The following RGS6 variants were observed in gnomAD, a reference collection of about 807,000 sequenced individuals.
RGS6 encodes the protein regulator of G protein signaling 6, also known as regulator of G-protein signaling 6.
RGS6 carries 30 observed loss-of-function variants against 78.5 expected under a neutral mutation model. The ratio of observed to expected loss-of-function variants is 0.38; its 90% CI spans 0.29 to 0.52. The LOEUF is 0.52. Ranked by LOEUF, RGS6 falls within the 20% of genes least tolerant of loss-of-function variation. RGS6 has a pLI of 0.85. For synonymous variants in RGS6, 206 were observed against 206.0 expected, an observed-to-expected ratio of 1.00 and a Z score of 0.00; for missense variants, 495 against 609.7, an observed-to-expected ratio of 0.81 and a Z score of 1.98.
intron 17 of RGS6, among the ~76,000 whole-genome samples, chr14:72,544,941 G>A (rs1340522561): frequency 6.6e-6 from 1 of 152,188 alleles, no homozygotes; most frequent in Non-Finnish European, 1.5e-5. Flanking sequence ...AGGCAATCAG[G>A]GCAGTCAGCC....
At chr14:72,483,660 T>C (rs917427) in intron 12 of RGS6, among the ~76,000 whole-genome samples, 104,201 of 151,862 alleles carry the variant, frequency 0.69, 36,678 homozygotes, top group East Asian at 0.96. Context: ...TTATGGGATT[T>C]CAGAAACCAT....
intron 2 of RGS6, among the ~76,000 whole-genome samples, chr14:72,168,257 A>G (rs2096956628): frequency 6.6e-6 from 1 of 152,124 alleles, no homozygotes. Context: ...TCGAGGATCC[A>G]CGTAAACACC....
intron 2 of RGS6, among the ~76,000 whole-genome samples, chr14:71,978,776 A>T (rs995193261): frequency 6.6e-6 from 1 of 152,206 alleles, no homozygotes; most frequent in Non-Finnish European, 1.5e-5. Context: ...CGCTGGCCTC[A>T]TAAAATGAGT....
intron 2 of RGS6, among the ~76,000 whole-genome samples, chr14:72,335,893 C>T (rs1252637470): frequency 6.6e-6 from 1 of 152,290 alleles, no homozygotes; most frequent in South Asian, 2.1e-4. Context: ...AATGCTTTCA[C>T]AGGATCTAGG....
chr14:72,330,006 G>T (rs1405349347), intron 2 of RGS6, among the ~76,000 whole-genome samples: 1 of 152,190 alleles, frequency 6.6e-6, no homozygotes, highest in East Asian at 1.9e-4. Context: ...TATAAACTTG[G>T]ATGGCATCAT....
chr14:72,349,774 A>G (rs1356886427), intron 2 of RGS6, among the ~76,000 whole-genome samples: 1 of 152,168 alleles, frequency 6.6e-6, no homozygotes, highest in African/African-American at 2.4e-5. Flanking sequence ...CACAGAACCA[A>G]TCCTTCAAAT....
chr14:72,109,370 A>C (rs1402629701), intron 2 of RGS6, among the ~76,000 whole-genome samples: 1 of 152,118 alleles, frequency 6.6e-6, no homozygotes, highest in African/African-American at 2.4e-5. Flanking sequence ...ACATGTAGGG[A>C]TTCTAGGAGT....
At chr14:72,377,749 A>G (rs781537096) in intron 3 of RGS6, among the ~76,000 whole-genome samples, 1 of 152,196 alleles carries the variant, frequency 6.6e-6, no homozygotes, top group Non-Finnish European at 1.5e-5. Context: ...AAGACAATGC[A>G]GGAGGATTGT....
chr14:71,956,578 G>C (rs2092811089), intron 1 of RGS6, among the ~76,000 whole-genome samples: 1 of 152,042 alleles, frequency 6.6e-6, no homozygotes, highest in Non-Finnish European at 1.5e-5. Context: ...AAAGATGTAG[G>C]CTGGGAGGCT....
At position 72,478,320 on chromosome 14, in the gene RGS6, T is replaced by C; in HGVS notation, c.845T>C (p.Val282Ala). 6.2e-7 allele frequency: 1 copy of C among 1,608,070 alleles called. No homozygotes were observed. Among genetic ancestry groups the C allele is most frequent in the East Asian group, 2.2e-5 (1 of 44,858 alleles). The change falls in exon 12 of 18, where the codon GTG becomes GCG. Residue 282 changes from valine (V) to alanine (A), a missense_variant. Transcript: ENST00000553525. Reference sequence around the variant, plus strand: ...AGACATTGTTTGAAAATGTCCAAAGTGGCTGAAAGGTATGTTTTCCTTTAA... The same window carrying C: ...AGACATTGTTTGAAAATGTCCAAAGCGGCTGAAAGGTATGTTTTCCTTTAA... ...IDRHCLKMSK[V>A]AESLIAYTEQ... is the part of the protein sequence containing the mutation.
At chr14:72,294,181 C>T (rs550285380) in intron 2 of RGS6, among the ~76,000 whole-genome samples, 214 of 152,204 alleles carry the variant, frequency 1.4e-3, no homozygotes, top group Non-Finnish European at 2.7e-3. Flanking sequence ...GATTAGGGTA[C>T]TTAACATGGT....
At chr14:72,181,837 A>G (rs1017310353) in intron 2 of RGS6, among the ~76,000 whole-genome samples, 2 of 152,216 alleles carry the variant, frequency 1.3e-5, no homozygotes, top group South Asian at 4.1e-4. Context: ...AGTGACGCAC[A>G]TTAAAATTAA....
At chr14:71,966,693 C>G (rs541494734) in intron 2 of RGS6, among the ~76,000 whole-genome samples, 1 of 152,122 alleles carries the variant, frequency 6.6e-6, no homozygotes, top group African/African-American at 2.4e-5. Context: ...TTAGATAAAT[C>G]GAATGAGGCA....
intron 1 of RGS6, among the ~76,000 whole-genome samples, chr14:71,940,109 C>G (rs149190858): frequency 6.6e-6 from 1 of 152,322 alleles, no homozygotes; most frequent in East Asian, 1.9e-4. Flanking sequence ...ATCTGACTTG[C>G]ATAAGCCCCT....
intron 12 of RGS6, among the ~76,000 whole-genome samples, chr14:72,478,860 T>C (rs2096301940): frequency 6.6e-6 from 1 of 152,178 alleles, no homozygotes; most frequent in Non-Finnish European, 1.5e-5. Flanking sequence ...GTGTGTGTGC[T>C]TCATTCTGCA....
At chr14:72,512,779 C>G (rs1184945689) in intron 14 of RGS6, among the ~76,000 whole-genome samples, 1 of 152,232 alleles carries the variant, frequency 6.6e-6, no homozygotes, top group Non-Finnish European at 1.5e-5. Flanking sequence ...TCTTCAGTCA[C>G]CCATCACAGG....
At chr14:72,320,962 CA>C (rs2071803395) in intron 2 of RGS6, among the ~76,000 whole-genome samples, 1 of 148,924 alleles carries the variant, frequency 6.7e-6, no homozygotes, top group Non-Finnish European at 1.5e-5. Context: ...TTTAAATATA[CA>C]AAAATAAGTG....
chr14:72,338,321 A>G (rs577834806), intron 2 of RGS6, among the ~76,000 whole-genome samples: 1 of 152,240 alleles, frequency 6.6e-6, no homozygotes, highest in Admixed American at 6.5e-5. Context: ...CGAAAGGCAC[A>G]TCTTACATGG....
intron 2 of RGS6, among the ~76,000 whole-genome samples, chr14:72,168,891 A>G (rs979900272): frequency 1.6e-4 from 24 of 152,146 alleles, no homozygotes; most frequent in African/African-American, 5.8e-4. Context: ...GGTGATATTT[A>G]TAGTCTATTT....
Sources: gnomAD v4.1 joint callset for allele counts (sites outside exome capture counted in the v4.1 genomes callset) on GRCh38, gnomAD v4.1.1 for gene constraint, MANE v1.5 for transcripts, NCBI Gene and HGNC (gene_info 2026-07-23, HGNC 2026-07-21) for gene names.